The following DAB2IP variants were observed in gnomAD, a reference collection of about 807,000 sequenced individuals.
DAB2IP encodes the protein disabled homolog 2-interacting protein.
Under a neutral mutation model 107.2 loss-of-function variants are expected in DAB2IP, and 28 were observed. The observed-to-expected ratio is 0.26, with a 90% CI of 0.19 to 0.36. The LOEUF (loss-of-function observed/expected upper bound fraction) is 0.36, where lower values mean the gene tolerates loss of function less well. Among genes scored for constraint, DAB2IP ranks in the 10% least tolerant of loss-of-function variants. DAB2IP has a pLI of 1.00. For missense variants in DAB2IP, 1,400 were observed against 1,644.7 expected, an observed-to-expected ratio of 0.85 and a Z score of 2.57; for synonymous variants, 755 against 706.4, an observed-to-expected ratio of 1.07 and a Z score of -1.09.
chr9:121,776,182 G>A lies in DAB2IP; in HGVS notation c.3121-16G>A, dbSNP rs1310051762. On this transcript the variant is annotated splice_polypyrimidine_tract_variant and intron_variant, in intron 13 of 15. Coordinates refer to ENST00000408936, the Ensembl canonical transcript of DAB2IP. This position sits in a 1 kb window ranked among gnomAD's most constrained non-coding sequence, Gnocchi z 5.4. ...TGTCCTGGGTGCTGTGCCCGTGGAC[G>A]CTGCCCTCCTGGTAGGACCTGGCGG... is the stretch of plus-strand genomic sequence containing the variant. 2.0e-5 allele frequency: 31 copies of A among 1,562,948 alleles called. No homozygotes were observed. The highest frequency in any genetic ancestry group is 2.7e-5 in the African/African-American group (2 of 73,798).
rs536953532 is a variant in DAB2IP at position 121,772,442 on chromosome 9, C to T, written c.2079-165C>T. ...AGCAGCCGCCTCAGCCTCTGGTCCC[C>T]GGATTCTCCCACTCCTGCCACCCCA... On this transcript the variant is annotated intron_variant, in intron 11 of 15. Transcript: ENST00000408936. This position sits in a 1 kb window ranked among gnomAD's most constrained non-coding sequence, Gnocchi z 4.7. Among the ~76,000 whole-genome samples the T allele has an allele frequency of 1.3e-5, 2 of 152,274 alleles. No individual in the cohort carries two copies. The highest frequency in any genetic ancestry group is 1.3e-4 in the Admixed American group (2 of 15,300).
rs1470609444 is a variant in DAB2IP, at chr9:121,572,501, A to C, written c.40+5273A>C. On this transcript the variant is annotated intron_variant, in intron 1 of 16. Transcript: ENST00000259371. ...CTTAACTTGCTCCGCATCCTTAGGC[A>C]TCCTCCCCGACTCTGGACTTCTGGT... 6.6e-5 allele frequency among the ~76,000 whole-genome samples: 10 copies of C among 152,170 alleles called. 1 individual carries two copies. The highest frequency in any genetic ancestry group is 6.2e-4 in the South Asian group (3 of 4,824).
rs907031550 is a variant in DAB2IP at position 121,599,957 on chromosome 9, C to A, written c.40+32729C>A. The stretch of plus-strand genomic sequence containing the variant: ...ACAGTCCCCTCTCCCGCAAGGAAAT[C>A]TGCGCGATGCATTGAGCCTTTAAAC... On this transcript the variant is annotated intron_variant, in intron 1 of 16. Coordinates refer to the DAB2IP transcript ENST00000259371. The surrounding 1 kb of genome is among the most constrained non-coding windows in gnomAD (Gnocchi z 6.9). Among the ~76,000 whole-genome samples, 5 of 152,166 alleles carry A rather than the reference C, an allele frequency of 3.3e-5. No individual in the cohort carries two copies. Among genetic ancestry groups the A allele is most frequent in the Non-Finnish European group, 5.9e-5 (4 of 68,026 alleles).
chr9:121,774,082 C>T (rs1254849944), intron 12 of DAB2IP, among the ~76,000 whole-genome samples, 178 bp from the exon 13 acceptor site: 1 of 152,204 alleles, frequency 6.6e-6, no homozygotes, highest in Non-Finnish European at 1.5e-5. Flanking sequence ...CCTTTGGCTG[C>T]CGTCTGAGAG....
chr9:121,631,930 G>C (rs977624170), intron 1 of DAB2IP, among the ~76,000 whole-genome samples: 1 of 152,124 alleles, frequency 6.6e-6, no homozygotes, highest in African/African-American at 2.4e-5. Flanking sequence ...AGACCCCCTG[G>C]TTGGTGTGTG....
At chr9:121,618,597 G>A (rs1338030587) in intron 1 of DAB2IP, among the ~76,000 whole-genome samples, 1 of 152,190 alleles carries the variant, frequency 6.6e-6, no homozygotes, top group East Asian at 1.9e-4. Flanking sequence ...CTGACCTCAG[G>A]TGAGCCTCCC....
intron 3 of DAB2IP, among the ~76,000 whole-genome samples, chr9:121,744,302 C>G (rs1832566687): frequency 3.3e-5 from 5 of 152,204 alleles, no homozygotes; most frequent in Admixed American, 3.3e-4. Context: ...AAGACTGTGT[C>G]TGGGCCAGGA....
Position 121,701,124 on chromosome 9 carries a change from C to G in DAB2IP, c.362+1666C>G, listed in dbSNP as rs956921864. On this transcript the variant is annotated intron_variant, in intron 3 of 15. Coordinates refer to ENST00000408936, the Ensembl canonical transcript of DAB2IP. This position sits in a 1 kb window ranked among gnomAD's most constrained non-coding sequence, Gnocchi z 4.7. ...CATGCGGGGGCTTGTGTACGTACCC[C>G]GTTTTGTGTGCATGTGGTGGTTGTC... 6.6e-6 allele frequency among the ~76,000 whole-genome samples: 1 copy of G among 152,230 alleles called. No individual in the cohort carries two copies.
intron 3 of DAB2IP, among the ~76,000 whole-genome samples, chr9:121,729,044 T>C (rs1426579021): frequency 6.6e-6 from 1 of 152,224 alleles, no homozygotes; most frequent in East Asian, 1.9e-4. Flanking sequence ...TAATAATGCC[T>C]GTCATTTTTT....
intron 1 of DAB2IP, among the ~76,000 whole-genome samples, chr9:121,592,137 G>A (rs531589970): frequency 6.6e-6 from 1 of 152,196 alleles, no homozygotes; most frequent in Non-Finnish European, 1.5e-5. Flanking sequence ...GGAGGCCGAG[G>A]TAGGCAGATC....
At chr9:121,744,644 G>A (rs1832598409) in intron 3 of DAB2IP, among the ~76,000 whole-genome samples, 1 of 152,208 alleles carries the variant, frequency 6.6e-6, no homozygotes, top group African/African-American at 2.4e-5. Context: ...ATTTTTGTAG[G>A]TTTGGTGAAA....
chr9:121,690,303 G>A (rs1346621892), intron 2 of DAB2IP, among the ~76,000 whole-genome samples: 1 of 148,832 alleles, frequency 6.7e-6, no homozygotes, highest in East Asian at 1.9e-4. Flanking sequence ...AGCCCCGGGA[G>A]GACTGGCTGG....
rs1007773300 is a variant in DAB2IP, at chr9:121,736,676, T to G, written c.363-20337T>G. On this transcript the variant is annotated intron_variant, in intron 3 of 15. Transcript: ENST00000408936. This position sits in a 1 kb window ranked among gnomAD's most constrained non-coding sequence, Gnocchi z 4.6. ...GGAGCAGCGCTCGGGGGAGGTTACCTTGGCGCGCCCCCAAATCTTTTGGTT... is the reference window on the plus strand; with the variant it reads ...GGAGCAGCGCTCGGGGGAGGTTACCGTGGCGCGCCCCCAAATCTTTTGGTT... Among the ~76,000 whole-genome samples, 1 of 152,206 alleles carries G rather than the reference T, an allele frequency of 6.6e-6. No individual in the cohort carries two copies. Among genetic ancestry groups the G allele is most frequent in the African/African-American group, 2.4e-5 (1 of 41,466 alleles).
Position 121,736,664 on chromosome 9 carries a change from G to A in DAB2IP, c.363-20349G>A, listed in dbSNP as rs1192407735. The stretch of plus-strand genomic sequence containing the variant: ...CGGAATGCTCTGGGAGCAGCGCTCG[G>A]GGGAGGTTACCTTGGCGCGCCCCCA... On this transcript the variant is annotated intron_variant, in intron 3 of 15. Transcript: ENST00000408936. This position sits in a 1 kb window ranked among gnomAD's most constrained non-coding sequence, Gnocchi z 4.6. Among the ~76,000 whole-genome samples, 3 of 152,228 alleles carry A rather than the reference G, an allele frequency of 2.0e-5. No homozygotes were observed. The highest frequency in any genetic ancestry group is 4.4e-5 in the Non-Finnish European group (3 of 68,030).
chr9:121,572,295 A>T (rs1408948973), intron 1 of DAB2IP, among the ~76,000 whole-genome samples: 1 of 152,084 alleles, frequency 6.6e-6, no homozygotes, highest in East Asian at 1.9e-4. Flanking sequence ...ACATGAGACT[A>T]TAAGGCCCTT....
intron 1 of DAB2IP, among the ~76,000 whole-genome samples, chr9:121,582,302 G>C (rs1830215282): frequency 6.6e-6 from 1 of 152,110 alleles, no homozygotes; most frequent in Non-Finnish European, 1.5e-5. Flanking sequence ...TTGAGGTGGG[G>C]GCCAGGCCAG....
At chr9:121,568,770 T>C (rs1020729862) in intron 1 of DAB2IP, among the ~76,000 whole-genome samples, 1 of 151,246 alleles carries the variant, frequency 6.6e-6, no homozygotes, top group East Asian at 1.9e-4. Context: ...GGCGAGGGGG[T>C]GGGAAGGACC....
At chr9:121,765,266 T>A (rs183466022) in intron 8 of DAB2IP, among the ~76,000 whole-genome samples, 22 of 152,324 alleles carry the variant, frequency 1.4e-4, no homozygotes, top group Admixed American at 1.0e-3. Context: ...GGACAGTGAT[T>A]TTCCATTTCC....
chr9:121,743,203 A>G (rs1355549125), intron 3 of DAB2IP, among the ~76,000 whole-genome samples: 1 of 152,198 alleles, frequency 6.6e-6, no homozygotes, highest in Non-Finnish European at 1.5e-5. Context: ...AGTGGTGAGG[A>G]ACAAATGAGA....
Sources: gnomAD v4.1 joint callset for allele counts (sites outside exome capture counted in the v4.1 genomes callset) on GRCh38, gnomAD v4.1.1 for gene constraint, Gnocchi (gnomAD v3.1) non-coding constraint, MANE v1.5 for transcripts, NCBI Gene and HGNC (gene_info 2026-07-23, HGNC 2026-07-21) for gene names.